NIT2: variants seen among roughly 807,000 people sequenced by gnomAD.
NIT2 encodes omega-amidase NIT2.
NIT2 carries 46 observed loss-of-function variants against 42.7 expected under a neutral mutation model. The observed-to-expected ratio is 1.08, with a 90% CI of 0.85 to 1.38. The LOEUF is 1.38. Ranked by LOEUF, NIT2 falls within the 40% of genes most tolerant of loss-of-function variation. The pLI, the probability that NIT2 is intolerant of heterozygous loss-of-function variation, is 0.00. For missense variants in NIT2, 309 were observed against 342.5 expected (o/e 0.90, Z 0.77); for synonymous variants, 123 against 121.9 (o/e 1.01, Z -0.06).
intron 3 of NIT2, 113 bp from the exon 4 acceptor site, chr3:100,340,960 C>A: frequency 1.5e-6 from 1 of 662,880 alleles, no homozygotes; most frequent in Non-Finnish European, 2.7e-6. Context: ...ATAAATAAAC[C>A]GTAAAAGATA....
chr3:100,335,366 C>T (rs1706056722), intron 1 of NIT2, among the ~76,000 whole-genome samples: 1 of 152,238 alleles, frequency 6.6e-6, no homozygotes, highest in Non-Finnish European at 1.5e-5. Context: ...AAGGACCTGG[C>T]ACATTGCTTT....
rs1706325704 is a variant in NIT2 at position 100,356,411 on chromosome 3, G to C, written c.*1143G>C. ...GGGGAGCTGGTGCAATCCTGCCCTA[G>C]CACACCACTGGTTTAAGATAGATAT... On this transcript the variant is annotated 3_prime_UTR_variant, in exon 10 of 10. Coordinates refer to ENST00000394140, the MANE Select transcript of NIT2 (RefSeq NM_020202.5). 1 of 152,168 alleles carries C rather than the reference G, an allele frequency of 6.6e-6. No homozygotes were observed. Among genetic ancestry groups the C allele is most frequent in the African/African-American group, 2.4e-5 (1 of 41,418 alleles). 9.4% of individuals were successfully genotyped at this position (152,168 alleles called of 1,614,324 possible).
intron 3 of NIT2, 24 bp from the exon 4 acceptor site, chr3:100,341,049 G>T (rs752376572): frequency 1.3e-6 from 2 of 1,493,728 alleles, no homozygotes; most frequent in Admixed American, 3.4e-5. Flanking sequence ...TTTTCTTATG[G>T]TATGTTTCTT....
At position 100,334,769 on chromosome 3, in the gene NIT2, A is replaced by G; in HGVS notation, c.-23A>G. The G allele has an allele frequency of 1.6e-6, 2 of 1,236,922 alleles. No homozygotes were observed. Among genetic ancestry groups the G allele is most frequent in the Non-Finnish European group, 1.0e-6 (1 of 980,844 alleles). 76.6% of individuals were successfully genotyped at this position (1,236,922 alleles called of 1,614,324 possible). On this transcript the variant is annotated 5_prime_UTR_variant, in exon 1 of 10. Transcript: ENST00000394140. The stretch of plus-strand genomic sequence containing the variant: ...ATCTCCAGCGCTCAGTCCGCGCCGC[A>G]GGTGGTGCTTGTCTGCAGAGTCATG...
chr3:100,347,165 G>A (rs1038479431), intron 6 of NIT2, among the ~76,000 whole-genome samples: 1 of 151,536 alleles, frequency 6.6e-6, no homozygotes, highest in Non-Finnish European at 1.5e-5. Flanking sequence ...GTGCAATCTC[G>A]ACTCACTGCA....
rs1706385660 is a variant in NIT2, at chr3:100,361,582, A to G, written c.*6314A>G. The G allele has an allele frequency of 6.6e-6, 1 of 152,190 alleles. No homozygotes were observed. Among genetic ancestry groups the G allele is most frequent in the Non-Finnish European group, 1.5e-5 (1 of 68,042 alleles). The allele number at this position is 152,190 out of a possible 1,614,324, so 9.4% of individuals were successfully genotyped here. ...GGATCTATAGCTGTCAACTCCTAAT[A>G]TGATTTGTGCACTATCACCTTGAAG... On this transcript the variant is annotated 3_prime_UTR_variant, in exon 10 of 10. Coordinates refer to ENST00000394140, the MANE Select transcript of NIT2 (RefSeq NM_020202.5).
intron 4 of NIT2, among the ~76,000 whole-genome samples, chr3:100,344,250 C>A (rs1413062640): frequency 6.6e-6 from 1 of 152,196 alleles, no homozygotes; most frequent in Non-Finnish European, 1.5e-5. Context: ...TAAATAGCAC[C>A]AGGAAGTTCA....
chr3:100,348,612 G>C (rs1706241205), intron 6 of NIT2, among the ~76,000 whole-genome samples, 191 bp from the exon 7 acceptor site: 1 of 152,182 alleles, frequency 6.6e-6, no homozygotes, highest in Admixed American at 6.5e-5. Context: ...ATATGTGTGT[G>C]ACTTACGTGT....
At chr3:100,347,305 A>G (rs559462530) in intron 6 of NIT2, among the ~76,000 whole-genome samples, 158 of 152,302 alleles carry the variant, frequency 1.0e-3, no homozygotes, top group Non-Finnish European at 1.9e-3. Context: ...CGTGTTGGCC[A>G]GACTGGTCTT....
rs983555370 is a variant in NIT2 at position 100,334,891 on chromosome 3, C to T, written c.7+93C>T. The T allele has an allele frequency of 2.3e-5, 27 of 1,150,450 alleles. No individual in the cohort carries two copies. In the African/African-American group the frequency reaches 2.4e-4, roughly 10 times the overall value. The allele number at this position is 1,150,450 out of a possible 1,614,324, so 71.3% of individuals were successfully genotyped here. ...CGGTGGCTCGGCCGGCTCAGCCCCT[C>T]CGCCCCGCGTCCCCGCCGTGCGCGG... On this transcript the variant is annotated intron_variant, in intron 1 of 9. Transcript: ENST00000394140.
intron 3 of NIT2, 161 bp downstream of exon 3, chr3:100,340,096 G>A (rs1309173325): frequency 1.4e-5 from 8 of 576,106 alleles, no homozygotes; most frequent in African/African-American, 9.7e-5. Flanking sequence ...TTTGAGGTGA[G>A]GTCTTGCTTT....
chr3:100,349,082 C>T (rs1266302568), intron 7 of NIT2: 2 of 468,442 alleles, frequency 4.3e-6, no homozygotes, highest in East Asian at 7.3e-5. Flanking sequence ...GCCACAATAC[C>T]AACCTCATGG....
In NIT2 at chr3:100,339,185, G is replaced by T. The variant is rs2148880874; in HGVS notation, c.106G>T (p.Ala36Ser). The T allele has an allele frequency of 6.2e-7, 1 of 1,612,430 alleles. No homozygotes were observed. The highest frequency in any genetic ancestry group is 8.5e-7 in the Non-Finnish European group (1 of 1,178,506). ...SFIREAATQG[A>S]KIVSLPECFN... ...CATCCGGGAGGCAGCAACGCAAGGA[G>T]CCAAAATAGTTTCTTTGCCGGTCAG... Residue 36 changes from alanine to serine, a missense_variant, in exon 2 of 10, where the codon GCC (alanine) becomes TCC (serine). Coordinates refer to ENST00000394140, the MANE Select transcript of NIT2 (RefSeq NM_020202.5).
chr3:100,351,714 A>G (rs1706275784), intron 7 of NIT2, among the ~76,000 whole-genome samples: 2 of 152,246 alleles, frequency 1.3e-5, no homozygotes, highest in Non-Finnish European at 2.9e-5. Context: ...CTTCATGTCT[A>G]AAACACCAAA....
chr3:100,356,057 T>A lies in NIT2; in HGVS notation c.*789T>A, dbSNP rs1053112475. ...GTTCTTAGACAGCTTGGTTTGAGAA[T>A]CCTTTTGCGGTTAAAAATTAGGGAC... is the stretch of plus-strand genomic sequence containing the variant. On this transcript the variant is annotated 3_prime_UTR_variant, in exon 10 of 10. Transcript: ENST00000394140. The A allele has an allele frequency of 2.0e-5, 3 of 152,208 alleles. No individual in the cohort carries two copies. The highest frequency in any genetic ancestry group is 7.2e-5 in the African/African-American group (3 of 41,444). 9.4% of individuals were successfully genotyped at this position (152,208 alleles called of 1,614,324 possible). A position where few individuals can be genotyped will look rare whatever the true frequency, so the allele number is the denominator to read the frequency against.
chr3:100,357,584 ATGTAGCATTCC>A lies in NIT2; in HGVS notation c.*2321_*2331del, dbSNP rs1402708359. On this transcript the variant is annotated 3_prime_UTR_variant, in exon 10 of 10. Transcript: ENST00000394140. ...AGAGAAGCAAAGACGCTTTACAGAG[ATGTAGCATTCC>A]TGTAACAGGTAAGGCAGGTGGATGC... 9.9e-5 allele frequency: 15 copies of A among 151,052 alleles called. No homozygotes were observed. Among genetic ancestry groups the A allele is most frequent in the African/African-American group, 1.5e-4 (6 of 41,164 alleles). 9.4% of individuals were successfully genotyped at this position (151,052 alleles called of 1,614,324 possible). A position where few individuals can be genotyped will look rare whatever the true frequency, so the allele number is the denominator to read the frequency against.
chr3:100,351,416 T>C (rs905726148), intron 7 of NIT2, among the ~76,000 whole-genome samples: 8 of 151,972 alleles, frequency 5.3e-5, no homozygotes, highest in African/African-American at 1.7e-4. Context: ...GAGATATAGA[T>C]CAATGGAACA....
chr3:100,342,247 T>C (rs1281997331), intron 4 of NIT2, among the ~76,000 whole-genome samples: 1 of 152,212 alleles, frequency 6.6e-6, no homozygotes, highest in Non-Finnish European at 1.5e-5. Context: ...GTTCTCAAGC[T>C]ATATGTGTTT....
chr3:100,339,766 A>G, intron 2 of NIT2, 49 bp from the exon 3 acceptor site: 1 of 1,574,100 alleles, frequency 6.4e-7, no homozygotes. Flanking sequence ...AGAACTTTAA[A>G]ATGGGTGGGT....
Sources: gnomAD v4.1 joint callset for allele counts (sites outside exome capture counted in the v4.1 genomes callset) on GRCh38, gnomAD v4.1.1 for gene constraint, MANE v1.5 for transcripts, NCBI Gene and HGNC (gene_info 2026-07-23, HGNC 2026-07-21) for gene names.